ARHGEF10: variants seen among roughly 807,000 people sequenced by gnomAD.
ARHGEF10 encodes Rho guanine nucleotide exchange factor 10, also known as Rho guanine nucleotide exchange factor (GEF) 10.
Under a neutral mutation model 147.4 loss-of-function variants are expected in ARHGEF10, and 140 were observed. That is an observed-to-expected ratio of 0.95 (90% CI 0.83 to 1.09). ARHGEF10 has a LOEUF of 1.09. Among genes scored for constraint, ARHGEF10 ranks in the 50% least tolerant of loss-of-function variants. ARHGEF10 has a pLI of 0.00. For missense variants in ARHGEF10, 2,222 were observed against 1,752.7 expected (o/e 1.27, Z -4.78); for synonymous variants, 902 against 695.8 (o/e 1.30, Z -4.67).
In ARHGEF10 at chr8:1,924,170, G is replaced by A. The variant is rs372643383; in HGVS notation, c.2488+296G>A. 4.6e-5 allele frequency among the ~76,000 whole-genome samples: 7 copies of A among 152,188 alleles called. No individual in the cohort carries two copies. In the East Asian group the frequency reaches 1.3e-3, roughly 29 times the overall value. On this transcript the variant is annotated intron_variant, in intron 21 of 28. Transcript: ENST00000349830. ...CAGAGGAAGCCCGTGGAGCCTGGCC[G>A]TGAGCCAGGTGCTCAAGGCGGGCGG...
chr8:1,913,010 T>C (rs1156454582), intron 18 of ARHGEF10, among the ~76,000 whole-genome samples: 3 of 152,138 alleles, frequency 2.0e-5, no homozygotes, highest in African/African-American at 7.2e-5. Flanking sequence ...GAGAAAGTAA[T>C]GTTCACTGTT....
At chr8:1,859,798 G>A in intron 3 of ARHGEF10, 99 bp from the exon 4 acceptor site, 1 of 1,427,244 alleles carries the variant, frequency 7.0e-7, no homozygotes, top group Non-Finnish European at 9.8e-7. Flanking sequence ...ATGGGATGAT[G>A]GTGGGAGCTC....
At chr8:1,924,349 T>G (rs1812526448) in intron 21 of ARHGEF10, among the ~76,000 whole-genome samples, 1 of 152,210 alleles carries the variant, frequency 6.6e-6, no homozygotes, top group Admixed American at 6.5e-5. Context: ...TGTAGATGGA[T>G]GTGACTTTAT....
chr8:1,850,023 T>C (rs1314360649), intron 2 of ARHGEF10, among the ~76,000 whole-genome samples: 358 of 35,748 alleles, frequency 0.01, 1 homozygote, highest in African/African-American at 0.023. Flanking sequence ...GTGGGCCGGC[T>C]GCATGGACAC....
Position 1,880,042 on chromosome 8 carries a change from C to G in ARHGEF10, c.844-6C>G, listed in dbSNP as rs753392374. The G allele has an allele frequency of 6.3e-7, 1 of 1,587,642 alleles. No homozygotes were observed. The highest frequency in any genetic ancestry group is 8.7e-7 in the Non-Finnish European group (1 of 1,155,860). Reference sequence around the variant, plus strand: ...TGTGAAAAGACTGTGTCTCTTTATGCTGTAGCTTTCTCATGACCTAACCCG... The same window carrying G: ...TGTGAAAAGACTGTGTCTCTTTATGGTGTAGCTTTCTCATGACCTAACCCG... On this transcript the variant is annotated splice_polypyrimidine_tract_variant and splice_region_variant and intron_variant, in intron 8 of 28. Coordinates refer to ENST00000349830, the MANE Select transcript of ARHGEF10 (RefSeq NM_014629.4).
At chr8:1,830,523 T>C (rs1409538886) in intron 1 of ARHGEF10, among the ~76,000 whole-genome samples, 1 of 152,194 alleles carries the variant, frequency 6.6e-6, no homozygotes, top group African/African-American at 2.4e-5. Context: ...ATGAAGAAAA[T>C]CTACCTGTGG....
chr8:1,864,021 T>C (rs1050285477), intron 4 of ARHGEF10, among the ~76,000 whole-genome samples: 18 of 151,964 alleles, frequency 1.2e-4, no homozygotes, highest in Admixed American at 5.3e-4. Flanking sequence ...CGTTTCTTTC[T>C]AACTCTAGCC....
Position 1,903,261 on chromosome 8 carries a change from C to G in ARHGEF10, c.1651-20C>G, listed in dbSNP as rs779153392. ...GAGTGTCCACGTGGTAACTGCCCAC[C>G]TCTCCCCTGTTGCTTGTAGGACATG... On this transcript the variant is annotated intron_variant, in intron 15 of 28. Transcript: ENST00000349830. The G allele has an allele frequency of 1.2e-6, 2 of 1,613,818 alleles. No homozygotes were observed. Among genetic ancestry groups the G allele is most frequent in the African/African-American group, 1.3e-5 (1 of 74,908 alleles).
chr8:1,923,152 C>A, intron 19 of ARHGEF10, 73 bp downstream of exon 19: 1 of 1,118,174 alleles, frequency 8.9e-7, no homozygotes, highest in Non-Finnish European at 1.3e-6. Flanking sequence ...GATTATATCT[C>A]CAAGTTCTAC....
At chr8:1,901,326 C>G (rs1464056311) in intron 15 of ARHGEF10, among the ~76,000 whole-genome samples, 1 of 152,154 alleles carries the variant, frequency 6.6e-6, no homozygotes, top group East Asian at 1.9e-4. Context: ...CTCCTGGTCT[C>G]TGCTCTCCGG....
chr8:1,832,621 CAGAG>C (rs1803221253), intron 1 of ARHGEF10, among the ~76,000 whole-genome samples: 3 of 79,584 alleles, frequency 3.8e-5, no homozygotes, highest in East Asian at 3.5e-4. Context: ...GAGACAGAGG[CAGAG>C]AGAGACAGAG....
intron 1 of ARHGEF10, among the ~76,000 whole-genome samples, chr8:1,838,088 T>C (rs1427122454): frequency 1.3e-5 from 2 of 152,200 alleles, no homozygotes; most frequent in Non-Finnish European, 2.9e-5. Flanking sequence ...TCTTTGTCTG[T>C]CCTGTTCCCC....
intron 11 of ARHGEF10, among the ~76,000 whole-genome samples, chr8:1,887,595 G>T (rs568708472): frequency 1.1e-3 from 171 of 150,014 alleles, no homozygotes; most frequent in Non-Finnish European, 2.2e-3. Context: ...TGAGGGGTCT[G>T]TGAGAAGTCC....
At chr8:1,855,420 C>A (rs1227978841) in intron 2 of ARHGEF10, among the ~76,000 whole-genome samples, 1 of 152,116 alleles carries the variant, frequency 6.6e-6, no homozygotes, top group Non-Finnish European at 1.5e-5. Context: ...GTTGCTCTGT[C>A]CCCCAGGCTG....
At chr8:1,826,162 C>G (rs375823873) in intron 1 of ARHGEF10, 1 of 1,578,680 alleles carries the variant, frequency 6.3e-7, no homozygotes, top group Non-Finnish European at 8.6e-7. Flanking sequence ...GTATAAGGTG[C>G]TATTTGTAAT....
chr8:1,903,210 G>A (rs1317230204), intron 15 of ARHGEF10, 71 bp from the exon 16 acceptor site: 12 of 1,569,178 alleles, frequency 7.6e-6, no homozygotes, highest in Admixed American at 5.0e-5. Flanking sequence ...GTCAGCTGGC[G>A]GGTGACGCGA....
chr8:1,912,867 G>C (rs1212752251), intron 18 of ARHGEF10, among the ~76,000 whole-genome samples: 1 of 152,198 alleles, frequency 6.6e-6, no homozygotes, highest in Admixed American at 6.5e-5. Flanking sequence ...ATTGGGACTG[G>C]TGGCGGGGAG....
At chr8:1,879,523 A>T (rs1441281482) in intron 8 of ARHGEF10, among the ~76,000 whole-genome samples, 3 of 150,952 alleles carry the variant, frequency 2.0e-5, no homozygotes, top group African/African-American at 7.3e-5. Context: ...CTGTCTTTTG[A>T]TGCCATGTTT....
At chr8:1,838,838 T>A (rs1248378184) in intron 1 of ARHGEF10, among the ~76,000 whole-genome samples, 1 of 151,970 alleles carries the variant, frequency 6.6e-6, no homozygotes, top group Admixed American at 6.5e-5. Context: ...GGTTGCTGTC[T>A]GGCATGGAAG....
Sources: gnomAD v4.1 joint callset for allele counts (sites outside exome capture counted in the v4.1 genomes callset) on GRCh38, gnomAD v4.1.1 for gene constraint, MANE v1.5 for transcripts, NCBI Gene and HGNC (gene_info 2026-07-23, HGNC 2026-07-21) for gene names.